The following NCOA4 variants were observed in gnomAD, a reference collection of about 807,000 sequenced individuals.
NCOA4 encodes the protein nuclear receptor coactivator 4.
A neutral mutation model predicts 69.5 loss-of-function variants in NCOA4; 31 were observed. The observed-to-expected ratio is 0.45, with a 90% confidence interval of 0.34 to 0.60. The LOEUF is 0.60. Among genes scored for constraint, NCOA4 ranks in the 20% least tolerant of loss-of-function variants. The pLI is 0.02. For missense variants in NCOA4, 600 were observed against 719.2 expected (o/e 0.83, Z 1.90); for synonymous variants, 228 against 252.4 (o/e 0.90, Z 0.92).
At chr10:46,024,466 G>T (rs1266690861) in intron 1 of NCOA4, among the ~76,000 whole-genome samples, 1 of 152,080 alleles carries the variant, frequency 6.6e-6, no homozygotes, top group African/African-American at 2.4e-5. Context: ...CAACGCCCCA[G>T]CACAGTAAAG....
intron 1 of NCOA4, chr10:46,023,221 C>T: frequency 1.6e-5 from 15 of 963,832 alleles, no homozygotes; most frequent in Non-Finnish European, 1.9e-5. Context: ...CGCCGATTCG[C>T]ACGCAGTTGT....
At chr10:46,018,455 T>A (rs1554923764) in intron 1 of NCOA4, among the ~76,000 whole-genome samples, 1 of 152,258 alleles carries the variant, frequency 6.6e-6, no homozygotes, top group East Asian at 1.9e-4. Context: ...ACCAAAAGTA[T>A]AGTGTTTGTC....
chr10:46,009,259 A>G (rs1839048394), intron 9 of NCOA4, 152 bp downstream of exon 9: 5 of 1,496,406 alleles, frequency 3.3e-6, no homozygotes, highest in Non-Finnish European at 4.6e-6. Flanking sequence ...TCAACTTTTT[A>G]TGAGCTCCCC....
In NCOA4 at chr10:46,010,408, C is replaced by A. The variant is rs1839135288; in HGVS notation, c.1513G>T (p.Glu505Ter). The A allele has an allele frequency of 6.2e-7, 1 of 1,614,056 alleles. No individual in the cohort carries two copies. Among genetic ancestry groups the A allele is most frequent in the Non-Finnish European group, 8.5e-7 (1 of 1,180,040 alleles). The change falls in exon 8 of 10, where the codon GAA (glutamate) becomes TAA (stop). Residue 505 changes from glutamate to a stop codon, truncating the protein, a stop_gained. Coordinates refer to ENST00000581486, the MANE Select transcript of NCOA4 (RefSeq NM_001145263.2). LOFTEE classifies it high-confidence loss of function. ...CCAGGCACTTCCTTGGGACTTCCTT[C>A]TTTGTATGGGGGCCTGATAAGCCAC... ...SEWLIRPPYK[E>*]GSPKEVPGTE... is the part of the protein sequence containing the mutation.
rs782374874 is a variant in NCOA4 at position 46,013,643 on chromosome 10, C to A, written c.481-4G>T. On this transcript the variant is annotated splice_polypyrimidine_tract_variant and splice_region_variant and intron_variant, in intron 5 of 9. Coordinates refer to ENST00000581486, the MANE Select transcript of NCOA4 (RefSeq NM_001145263.2). ...CCATCAAGTGCTCAGGAATTTGCTA[C>A]AAAATAGAGATAATTTAATCATGTT... is the stretch of plus-strand genomic sequence containing the variant. 1.3e-6 allele frequency: 2 copies of A among 1,592,944 alleles called. No homozygotes were observed.
chr10:46,010,388 C>T lies in NCOA4; in HGVS notation c.1533G>A (p.Val511=). Reference sequence around the variant, plus strand: ...TGCCAGCTCTGTCTTCAGTACCAGGCACTTCCTTGGGACTTCCTTCTTTGT... The same window carrying T: ...TGCCAGCTCTGTCTTCAGTACCAGGTACTTCCTTGGGACTTCCTTCTTTGT... The part of the protein sequence containing the change: ...PPYKEGSPKE[V]PGTEDRAGKQ... Residue 511 remains valine (V), a synonymous_variant, in exon 8 of 10, where the codon GTG becomes GTA. Coordinates refer to ENST00000581486, the MANE Select transcript of NCOA4 (RefSeq NM_001145263.2). 3 of 1,614,150 alleles carry T rather than the reference C, an allele frequency of 1.9e-6. No homozygotes were observed. The highest frequency in any genetic ancestry group is 1.7e-6 in the Non-Finnish European group (2 of 1,180,026).
chr10:46,029,939 G>C (rs1554926213), intron 1 of NCOA4, among the ~76,000 whole-genome samples: 3 of 152,174 alleles, frequency 2.0e-5, no homozygotes, highest in African/African-American at 7.2e-5. Context: ...CTGTAAAACA[G>C]AGATAATCAA....
intron 1 of NCOA4, chr10:46,019,506 C>A (rs1306832875): frequency 1.0e-6 from 1 of 985,338 alleles, no homozygotes; most frequent in Non-Finnish European, 1.2e-6. Flanking sequence ...TGGAATGCCA[C>A]AATGCCTGGC....
rs535747990 is a variant in NCOA4, at chr10:46,019,493, G to C, written c.-14-2799C>G. ...TCTCACTTTTAGCTTCTCACCATTT[G>C]TGTGGAATGCCACAATGCCTGGCAC... On this transcript the variant is annotated intron_variant, in intron 1 of 9. Transcript: ENST00000581486. The C allele has an allele frequency of 3.0e-6, 3 of 985,446 alleles. No homozygotes were observed. In the African/African-American group the frequency reaches 5.2e-5, roughly 17 times the overall value. 61.0% of individuals were successfully genotyped at this position (985,446 alleles called of 1,614,324 possible). A position where few individuals can be genotyped will look rare whatever the true frequency, so the allele number is the denominator to read the frequency against.
chr10:46,017,981 A>G (rs17720193), intron 1 of NCOA4, among the ~76,000 whole-genome samples: 3,924 of 152,324 alleles, frequency 0.026, 70 homozygotes, highest in East Asian at 0.051. Flanking sequence ...TGGCAAGTCA[A>G]GGTAATGCTG....
At chr10:46,029,050 G>A (rs900723422) in intron 1 of NCOA4, among the ~76,000 whole-genome samples, 9 of 149,188 alleles carry the variant, frequency 6.0e-5, no homozygotes, top group Non-Finnish European at 1.3e-4. Flanking sequence ...AAAAAAAAAG[G>A]GGGGGGTGAG....
At chr10:46,030,274 A>AAGGCGAGAACGTAG (rs1840388427) in intron 1 of NCOA4, among the ~76,000 whole-genome samples, 3 of 151,430 alleles carry the variant, frequency 2.0e-5, no homozygotes. Context: ...GGAAAAGACA[A>AAGGCGAGAACGTAG]GCCCGGGCCC....
chr10:46,026,998 G>A (rs577999116), intron 1 of NCOA4, among the ~76,000 whole-genome samples: 1 of 152,284 alleles, frequency 6.6e-6, no homozygotes, highest in African/African-American at 2.4e-5. Context: ...GGGCGCGGTG[G>A]CTCACGCCTG....
intron 1 of NCOA4, among the ~76,000 whole-genome samples, chr10:46,022,068 T>C (rs1384580006): frequency 6.6e-6 from 1 of 152,210 alleles, no homozygotes; most frequent in East Asian, 1.9e-4. Flanking sequence ...TCAACGTCTG[T>C]ATCACAGCCA....
intron 8 of NCOA4, among the ~76,000 whole-genome samples, chr10:46,009,938 G>A (rs529135125): frequency 6.4e-4 from 97 of 152,196 alleles, no homozygotes; most frequent in Non-Finnish European, 5.3e-4. Context: ...AGACCAAGAC[G>A]GGCAGATCGC....
intron 1 of NCOA4, among the ~76,000 whole-genome samples, chr10:46,029,950 G>A (rs781895037): frequency 3.3e-5 from 5 of 152,122 alleles, no homozygotes; most frequent in Non-Finnish European, 7.4e-5. Flanking sequence ...AGATAATCAA[G>A]CTACTTTTCG....
intron 1 of NCOA4, among the ~76,000 whole-genome samples, chr10:46,019,012 T>C (rs1440762034): frequency 6.6e-6 from 1 of 152,128 alleles, no homozygotes; most frequent in African/African-American, 2.4e-5. Context: ...AAACAAACTT[T>C]CTGTACACTA....
At chr10:46,025,459 T>C (rs1554925369) in intron 1 of NCOA4, among the ~76,000 whole-genome samples, 1 of 151,540 alleles carries the variant, frequency 6.6e-6, no homozygotes, top group African/African-American at 2.5e-5. Flanking sequence ...TCCAGTCAAG[T>C]TGACACCTAA....
At position 46,010,851 on chromosome 10, in the gene NCOA4, C is replaced by A; in HGVS notation, c.1070G>T (p.Gly357Val). 4 of 1,613,942 alleles carry A rather than the reference C, an allele frequency of 2.5e-6. No individual in the cohort carries two copies. Among genetic ancestry groups the A allele is most frequent in the Non-Finnish European group, 2.5e-6 (3 of 1,179,862 alleles). The change falls in exon 8 of 10, where the codon GGT (glycine) becomes GTT (valine). Residue 357 changes from glycine to valine, a missense_variant. Coordinates refer to ENST00000581486, the MANE Select transcript of NCOA4 (RefSeq NM_001145263.2). The part of the protein sequence containing the change: ...CTNCQGNQPK[G>V]VEIENLGNLK... ...ATTGCCCAGGTTTTCAATCTCCACA[C>A]CTTTGGGCTGGTTTCCCTGACAGTT...
Sources: gnomAD v4.1 joint callset for allele counts (sites outside exome capture counted in the v4.1 genomes callset) on GRCh38, gnomAD v4.1.1 for gene constraint, MANE v1.5 for transcripts, NCBI Gene and HGNC (gene_info 2026-07-23, HGNC 2026-07-21) for gene names.